LMO7: variants seen among roughly 807,000 people sequenced by gnomAD.
LMO7 encodes LIM domain only protein 7.
In LMO7, 120 loss-of-function variants were observed where a neutral mutation model predicts 206.5. That is an observed-to-expected ratio of 0.58 (90% CI 0.50 to 0.68). The LOEUF is 0.68. Among genes scored for constraint, LMO7 ranks in the 30% least tolerant of loss-of-function variants. The pLI, the probability that LMO7 is intolerant of heterozygous loss-of-function variation, is 0.00. For missense variants in LMO7, 1,959 were observed against 1,957.9 expected (o/e 1.00, Z -0.01); for synonymous variants, 706 against 681.5 (o/e 1.04, Z -0.56).
At chr13:75,825,159 T>C (rs2057994344) in intron 15 of LMO7, among the ~76,000 whole-genome samples, 1 of 152,172 alleles carries the variant, frequency 6.6e-6, no homozygotes. Flanking sequence ...AGTTGTAAAT[T>C]ATCATTACAT....
chr13:75,676,158 T>C (rs1238581699), intron 1 of LMO7, among the ~76,000 whole-genome samples: 1 of 152,212 alleles, frequency 6.6e-6, no homozygotes, highest in African/African-American at 2.4e-5. Context: ...AATAAAATTA[T>C]GCTGTTATTG....
chr13:75,754,129 A>G (rs1743377102), intron 3 of LMO7, among the ~76,000 whole-genome samples: 1 of 152,262 alleles, frequency 6.6e-6, no homozygotes, highest in Admixed American at 6.5e-5. Flanking sequence ...TGCAACCATT[A>G]AACATTTCTA....
intron 1 of LMO7, among the ~76,000 whole-genome samples, chr13:75,661,641 T>C (rs141855032): frequency 6.6e-6 from 1 of 152,320 alleles, no homozygotes; most frequent in East Asian, 1.9e-4. Context: ...CCGTTCCTCA[T>C]GTCTTAGGCT....
chr13:75,705,766 G>A (rs1490072024), intron 1 of LMO7, among the ~76,000 whole-genome samples: 1 of 152,172 alleles, frequency 6.6e-6, no homozygotes, highest in Non-Finnish European at 1.5e-5. Context: ...CTCAACATAA[G>A]AATGAGTTCA....
chr13:75,848,129 T>C (rs558702212), intron 26 of LMO7, among the ~76,000 whole-genome samples: 77 of 152,306 alleles, frequency 5.1e-4, no homozygotes, highest in Non-Finnish European at 9.6e-4. Context: ...GTAAGTTCTT[T>C]AGTGGTGATT....
chr13:75,804,509 G>C lies in LMO7; in HGVS notation c.882G>C (p.Pro294=). 6.2e-7 allele frequency: 1 copy of C among 1,614,042 alleles called. No homozygotes were observed. Among genetic ancestry groups the C allele is most frequent in the East Asian group, 2.2e-5 (1 of 44,880 alleles). ...ATAACAGAAGAAGTTGGGCAAGCCC[G>C]GTTTATACAGAAGCAGATGGAACAT... The part of the protein sequence containing the change: ...HEDNRRSWAS[P]VYTEADGTFS... Residue 294 remains proline, a synonymous_variant, in exon 8 of 31, where the codon CCG becomes CCC. Transcript: ENST00000377534.
intron 4 of LMO7, among the ~76,000 whole-genome samples, chr13:75,792,282 C>T (rs2053419302): frequency 6.6e-6 from 1 of 152,084 alleles, no homozygotes; most frequent in Admixed American, 6.5e-5. Context: ...TCTTGATGAA[C>T]ACTTCACCAT....
chr13:75,752,514 G>T (rs969026722), intron 3 of LMO7, among the ~76,000 whole-genome samples: 2 of 152,012 alleles, frequency 1.3e-5, no homozygotes, highest in Non-Finnish European at 2.9e-5. Context: ...GGTGAAGTAG[G>T]GGCCTTCAGT....
rs192673895 is a variant in LMO7, at chr13:75,711,193, C to T, written c.70-1989C>T. On this transcript the variant is annotated intron_variant, in intron 1 of 30. Transcript: ENST00000377534. ...AAGCTTCTTGATGTGCTGCTGGATTCGGTTTGCCAGTATTTTATTGAGGAT... is the reference window on the plus strand; with the variant it reads ...AAGCTTCTTGATGTGCTGCTGGATTTGGTTTGCCAGTATTTTATTGAGGAT... Among the ~76,000 whole-genome samples, 226 of 151,680 alleles carry T rather than the reference C, an allele frequency of 1.5e-3. 3 individuals are homozygous for T. The East Asian group carries it at 0.038, about 26-fold the overall frequency.
rs1321086197 is a variant in LMO7 at position 75,858,934 on chromosome 13, T to A, written c.*991T>A. 1.3e-5 allele frequency: 2 copies of A among 152,204 alleles called. No homozygotes were observed. The highest frequency in any genetic ancestry group is 3.8e-4 in the East Asian group (2 of 5,208). 9.4% of individuals were successfully genotyped at this position (152,204 alleles called of 1,614,324 possible). A position where few individuals can be genotyped will look rare whatever the true frequency, so the allele number is the denominator to read the frequency against. On this transcript the variant is annotated 3_prime_UTR_variant, in exon 31 of 31. Transcript: ENST00000377534. ...AAGTTTATTTTTGATAAAGTTATGT[T>A]TTTGGATACAATATATTTGTATGGT...
At chr13:75,637,730 T>C (rs529007083) in intron 1 of LMO7, among the ~76,000 whole-genome samples, 2 of 152,270 alleles carry the variant, frequency 1.3e-5, no homozygotes, top group South Asian at 4.1e-4. Context: ...TACTTGAAAA[T>C]AATGTATTTT....
chr13:75,719,168 C>G (rs753617961), intron 2 of LMO7, among the ~76,000 whole-genome samples: 1 of 151,936 alleles, frequency 6.6e-6, no homozygotes, highest in Non-Finnish European at 1.5e-5. Context: ...TTAGTAGAGA[C>G]AGGGTTTCAC....
intron 1 of LMO7, among the ~76,000 whole-genome samples, chr13:75,668,181 CT>C (rs2039241957): frequency 1.3e-5 from 2 of 152,148 alleles, no homozygotes; most frequent in Admixed American, 1.3e-4. Context: ...ACACCCCAGC[CT>C]GGGTGATAGA....
chr13:75,797,396 C>T (rs890192446), intron 6 of LMO7, among the ~76,000 whole-genome samples: 2 of 152,130 alleles, frequency 1.3e-5, no homozygotes, highest in Admixed American at 6.5e-5. Flanking sequence ...CAGGACTGAC[C>T]GTAGTTCTGC....
At chr13:75,735,720 C>T (rs374600530) in intron 3 of LMO7, among the ~76,000 whole-genome samples, 13 of 151,652 alleles carry the variant, frequency 8.6e-5, no homozygotes, top group South Asian at 6.3e-4. Context: ...GGGATTTGCC[C>T]GCCTCGGCCT....
intron 1 of LMO7, among the ~76,000 whole-genome samples, chr13:75,663,749 T>C (rs1033257170): frequency 6.6e-6 from 1 of 152,150 alleles, no homozygotes; most frequent in Non-Finnish European, 1.5e-5. Context: ...TTCTTAAGTA[T>C]TGTTTTTAAA....
intron 2 of LMO7, among the ~76,000 whole-genome samples, chr13:75,714,634 T>C (rs1003510994): frequency 6.6e-6 from 1 of 152,194 alleles, no homozygotes; most frequent in Non-Finnish European, 1.5e-5. Context: ...TTTCTTGTCG[T>C]CTTCCAATGT....
intron 3 of LMO7, among the ~76,000 whole-genome samples, chr13:75,728,631 T>G (rs9530465): frequency 0.21 from 29,714 of 139,172 alleles, 3,954 homozygotes; most frequent in Non-Finnish European, 0.3. Flanking sequence ...TTAGTTTAAT[T>G]AGATCCCATT....
In LMO7 at chr13:75,636,646, C is replaced by T. The variant is rs1337279763; in HGVS notation, c.-12C>T. 3 of 1,590,862 alleles carry T rather than the reference C, an allele frequency of 1.9e-6. No individual in the cohort carries two copies. The highest frequency in any genetic ancestry group is 3.5e-5 in the Admixed American group (2 of 56,858). ...GCATCCCGAGTCTCTCTCTCCCTCC[C>T]TTGTCCTAGCCATGGAAGGGCTGGA... On this transcript the variant is annotated 5_prime_UTR_variant, in exon 1 of 31. Transcript: ENST00000377534.
Sources: gnomAD v4.1 joint callset for allele counts (sites outside exome capture counted in the v4.1 genomes callset) on GRCh38, gnomAD v4.1.1 for gene constraint, MANE v1.5 for transcripts, NCBI Gene and HGNC (gene_info 2026-07-23, HGNC 2026-07-21) for gene names.